SLC15A5: variants seen among roughly 807,000 people sequenced by gnomAD.
SLC15A5 encodes the protein solute carrier family 15 member 5, also known as Peptide/histidine transporter ENSP00000340402.
In SLC15A5, 58 loss-of-function variants were observed where a neutral mutation model predicts 56.1. The observed-to-expected ratio is 1.03, with a 90% CI of 0.84 to 1.29. The LOEUF (loss-of-function observed/expected upper bound fraction) is 1.29. SLC15A5 is among the 50% of genes most tolerant of loss of function. SLC15A5 has a pLI of 0.00. For missense variants in SLC15A5, 681 were observed against 672.1 expected (o/e 1.01, Z -0.15); for synonymous variants, 264 against 250.5 (o/e 1.05, Z -0.51).
intron 1 of SLC15A5, 31 bp downstream of exon 1, chr12:16,277,294 C>A: frequency 6.9e-7 from 1 of 1,448,602 alleles, no homozygotes; most frequent in East Asian, 2.5e-5. Context: ...AATTAAGTCA[C>A]AAAACAATCC....
At chr12:16,223,839 CT>C (rs11342392) in intron 6 of SLC15A5, among the ~76,000 whole-genome samples, 81,520 of 151,618 alleles carry the variant, frequency 0.54, 22,211 homozygotes, top group South Asian at 0.73. Flanking sequence ...CCTCAGCCTC[CT>C]TGAGTAGCTG....
At chr12:16,211,327 A>G (rs1201409249) in intron 7 of SLC15A5, among the ~76,000 whole-genome samples, 1 of 152,224 alleles carries the variant, frequency 6.6e-6, no homozygotes. Flanking sequence ...AGTGGCCTCA[A>G]AAATCATAGA....
chr12:16,206,672 G>T (rs1864022860), intron 7 of SLC15A5, among the ~76,000 whole-genome samples: 1 of 152,160 alleles, frequency 6.6e-6, no homozygotes, highest in Non-Finnish European at 1.5e-5. Context: ...AGCTGAGATT[G>T]GGCCTCAGAT....
chr12:16,245,859 G>A (rs1297496795), intron 3 of SLC15A5, among the ~76,000 whole-genome samples: 2 of 152,138 alleles, frequency 1.3e-5, no homozygotes, highest in African/African-American at 4.8e-5. Flanking sequence ...TCATTTATAT[G>A]CCATAGAGTC....
chr12:16,220,595 C>T (rs1230099245), intron 6 of SLC15A5, among the ~76,000 whole-genome samples: 1 of 152,200 alleles, frequency 6.6e-6, no homozygotes, highest in South Asian at 2.1e-4. Context: ...CAGCCACGCT[C>T]ATTTATTATA....
rs1292281075 is a variant in SLC15A5 at position 16,267,896 on chromosome 12, G to A, written c.584+4665C>T. Among the ~76,000 whole-genome samples, 2 of 52,238 alleles carry A rather than the reference G, an allele frequency of 3.8e-5. 1 individual carries two copies. Among genetic ancestry groups the A allele is most frequent in the African/African-American group, 1.3e-4 (2 of 15,854 alleles). The allele number at this position is 52,238 out of a possible 152,430, so 34.3% of individuals were successfully genotyped here. A position where few individuals can be genotyped will look rare whatever the true frequency, so the allele number is the denominator to read the frequency against. ...TGTGACTACAGGTTCACCCCACCAT[G>A]CCTGGGTAATTAAAAAAAAATGTTT... is the stretch of plus-strand genomic sequence containing the variant. On this transcript the variant is annotated intron_variant, in intron 2 of 8. Transcript: ENST00000344941.
chr12:16,195,850 T>C (rs1426895934), intron 7 of SLC15A5, among the ~76,000 whole-genome samples: 1 of 152,182 alleles, frequency 6.6e-6, no homozygotes, highest in African/African-American at 2.4e-5. Context: ...TAAAGCTGTT[T>C]GTCTTCTGTC....
chr12:16,209,305 G>C (rs74594938), intron 7 of SLC15A5, among the ~76,000 whole-genome samples: 3,484 of 151,612 alleles, frequency 0.023, 152 homozygotes, highest in African/African-American at 0.079. Context: ...TACATATATA[G>C]TTCCCTCCTT....
chr12:16,189,030 A>G lies in SLC15A5; in HGVS notation c.*638T>C, dbSNP rs1051181609. The G allele has an allele frequency of 1.2e-4, 19 of 152,192 alleles. No homozygotes were observed. The highest frequency in any genetic ancestry group is 3.9e-4 in the East Asian group (2 of 5,190). 9.4% of individuals were successfully genotyped at this position (152,192 alleles called of 1,614,324 possible). On this transcript the variant is annotated 3_prime_UTR_variant, in exon 9 of 9. Coordinates refer to ENST00000344941, the MANE Select transcript of SLC15A5 (RefSeq NM_001170798.1). ...AATTTCCTTCTTTCTTTTAATTCCAATAATTCCATAACTTACATTTATTTT... is the reference window on the plus strand; with the variant it reads ...AATTTCCTTCTTTCTTTTAATTCCAGTAATTCCATAACTTACATTTATTTT...
chr12:16,221,729 A>T (rs1864189606), intron 6 of SLC15A5, among the ~76,000 whole-genome samples: 1 of 152,208 alleles, frequency 6.6e-6, no homozygotes. Context: ...GAGAGGAAGC[A>T]GGGAGAAAAG....
At chr12:16,276,881 T>G (rs1009703526) in intron 1 of SLC15A5, among the ~76,000 whole-genome samples, 6 of 152,080 alleles carry the variant, frequency 3.9e-5, no homozygotes, top group African/African-American at 1.4e-4. Flanking sequence ...ATATGACTAA[T>G]TAAAAGACCA....
At chr12:16,211,146 C>A (rs552639303) in intron 7 of SLC15A5, among the ~76,000 whole-genome samples, 10 of 152,312 alleles carry the variant, frequency 6.6e-5, no homozygotes, top group Admixed American at 2.0e-4. Context: ...TGAAGTTGGA[C>A]CCGAGGCATA....
intron 3 of SLC15A5, among the ~76,000 whole-genome samples, chr12:16,256,581 C>T (rs951738753): frequency 6.6e-5 from 10 of 152,228 alleles, no homozygotes; most frequent in African/African-American, 1.9e-4. Context: ...AATTAGGGGC[C>T]GGGCGTGGTG....
chr12:16,240,010 G>A (rs1397451612), intron 4 of SLC15A5, 143 bp from the exon 5 acceptor site: 2 of 727,372 alleles, frequency 2.7e-6, no homozygotes, highest in Non-Finnish European at 4.4e-6. Context: ...TCCCAGTTAT[G>A]AGCTGATAAA....
chr12:16,241,590 T>C (rs890843292), intron 4 of SLC15A5, among the ~76,000 whole-genome samples: 1 of 152,152 alleles, frequency 6.6e-6, no homozygotes, highest in African/African-American at 2.4e-5. Flanking sequence ...TGAGTACAGA[T>C]GGCAAGAGTT....
intron 1 of SLC15A5, among the ~76,000 whole-genome samples, chr12:16,275,430 T>A (rs1023327150): frequency 3.3e-5 from 5 of 152,026 alleles, no homozygotes; most frequent in Non-Finnish European, 5.9e-5. Context: ...TTTTAGATAA[T>A]AGAAGCAATA....
intron 6 of SLC15A5, among the ~76,000 whole-genome samples, chr12:16,222,158 T>C (rs972807102): frequency 2.6e-5 from 4 of 152,262 alleles, no homozygotes; most frequent in African/African-American, 9.6e-5. Flanking sequence ...GGCACTGCGG[T>C]TTTTGCTTTA....
At chr12:16,215,712 C>T (rs557033315) in intron 7 of SLC15A5, among the ~76,000 whole-genome samples, 104 of 152,308 alleles carry the variant, frequency 6.8e-4, no homozygotes, top group African/African-American at 2.3e-3. Flanking sequence ...TCAACACACA[C>T]TTCAGCTTAA....
At chr12:16,224,327 T>A in intron 6 of SLC15A5, 87 bp downstream of exon 6, 2 of 1,271,166 alleles carry the variant, frequency 1.6e-6, no homozygotes, top group Non-Finnish European at 2.1e-6. Context: ...ATAGATGACA[T>A]ACCACTTTAA....
Sources: allele counts gnomAD v4.1 joint callset (sites outside exome capture counted in the v4.1 genomes callset), GRCh38; gene constraint gnomAD v4.1.1; transcripts MANE v1.5; gene names NCBI Gene and HGNC (gene_info 2026-07-23, HGNC 2026-07-21).